The following HEATR4 variants were observed in gnomAD, a reference collection of about 807,000 sequenced individuals.
HEATR4 encodes the protein HEAT repeat-containing protein 4.
Under a neutral mutation model 108.8 loss-of-function variants are expected in HEATR4, and 95 were observed. The ratio of observed to expected loss-of-function variants is 0.87; its 90% CI spans 0.74 to 1.04. The LOEUF is 1.04. HEATR4 is among the 50% of genes least tolerant of loss of function. HEATR4 has a pLI of 0.00. For missense variants in HEATR4, 1,152 were observed against 1,253.8 expected (o/e 0.92, Z 1.23); for synonymous variants, 443 against 459.4 (o/e 0.96, Z 0.46).
In HEATR4 at chr14:73,523,236, A is replaced by G; in HGVS notation, c.-72-12T>C. On this transcript the variant is annotated splice_polypyrimidine_tract_variant and intron_variant, in intron 2 of 17. Transcript: ENST00000553558. ...ATGAGACCTGGCACCTGTTAAGGGA[A>G]TGGGAGGAACTGATGAGAACTCTAG... 7.4e-7 allele frequency: 1 copy of G among 1,357,796 alleles called. No homozygotes were observed. Among genetic ancestry groups the G allele is most frequent in the Non-Finnish European group, 9.8e-7 (1 of 1,015,830 alleles). The allele number at this position is 1,357,796 out of a possible 1,614,324, so 84.1% of individuals were successfully genotyped here.
intron 17 of HEATR4, 22 bp downstream of exon 17, chr14:73,493,044 G>A (rs781714018): frequency 1.3e-5 from 21 of 1,583,746 alleles, no homozygotes; most frequent in Non-Finnish European, 1.8e-5. Flanking sequence ...ACCTTGATAA[G>A]CATCAGTGTG....
chr14:73,616,798 G>A, the HEATR4 span: 6 of 461,344 alleles, frequency 1.3e-5, no homozygotes, highest in South Asian at 2.2e-4. Flanking sequence ...TGCACCTGTC[G>A]CCTGAGTAGT....
chr14:73,606,859 A>G, the HEATR4 span, among the ~76,000 whole-genome samples: 2 of 152,212 alleles, frequency 1.3e-5, no homozygotes, highest in Non-Finnish European at 2.9e-5. Flanking sequence ...TCCCAGAAGG[A>G]GTCTAGAGTA....
At chr14:73,569,846 C>T in the HEATR4 span, 5 of 1,604,756 alleles carry the variant, frequency 3.1e-6, no homozygotes, top group African/African-American at 5.4e-5. Context: ...AGCCGGTGCG[C>T]GTGGGCCGGG....
intron 17 of HEATR4, among the ~76,000 whole-genome samples, chr14:73,487,902 T>C (rs1885513703): frequency 6.6e-6 from 1 of 152,038 alleles, no homozygotes; most frequent in African/African-American, 2.4e-5. Context: ...TAAAGGATGA[T>C]ATAGGTAAGC....
chr14:73,478,744 G>T lies in HEATR4; in HGVS notation c.2943C>A (p.Arg981=). ...CAGCAATCCTTTTCTCGGGGGAGGT[G>T]CGTAGATCTTTGACAAGTGATGAAC... The part of the protein sequence containing the change: ...KVRSSLVKDL[R]TSPEKRIAVG... The change falls in exon 18 of 18, where the codon CGC becomes CGA. Residue 981 remains arginine, a synonymous_variant. Coordinates refer to ENST00000553558, the MANE Select transcript of HEATR4 (RefSeq NM_001220484.1). The T allele has an allele frequency of 6.2e-7, 1 of 1,614,050 alleles. No individual in the cohort carries two copies.
chr14:73,498,960 T>C, intron 13 of HEATR4, 111 bp downstream of exon 13: 1 of 895,360 alleles, frequency 1.1e-6, no homozygotes, highest in Non-Finnish European at 1.8e-6. Flanking sequence ...AAAGCTAAGA[T>C]CATTACCTCT....
the HEATR4 span, chr14:73,594,948 G>T: frequency 9.8e-6 from 14 of 1,421,900 alleles, no homozygotes; most frequent in Admixed American, 3.8e-5. Context: ...CAAGTGATCC[G>T]CCCGCCTCCG....
the HEATR4 span, among the ~76,000 whole-genome samples, chr14:73,588,153 C>A: frequency 6.6e-6 from 1 of 152,086 alleles, no homozygotes; most frequent in Non-Finnish European, 1.5e-5. Context: ...AGGGCCGTAC[C>A]ACCACGCCAG....
chr14:73,566,409 G>A, the HEATR4 span, among the ~76,000 whole-genome samples: 1 of 152,128 alleles, frequency 6.6e-6, no homozygotes, highest in Non-Finnish European at 1.5e-5. Context: ...GGAAGCTCAG[G>A]CTGCACAGGA....
chr14:73,612,846 G>C, the HEATR4 span: 1 of 1,420,914 alleles, frequency 7.0e-7, no homozygotes, highest in Non-Finnish European at 9.4e-7. Context: ...GCCTTGGTGC[G>C]GCTGGTGAAG....
chr14:73,545,443 G>A lies in HEATR4; in HGVS notation c.-152+13308C>T, dbSNP rs879806967. On this transcript the variant is annotated intron_variant, in intron 1 of 17. Coordinates refer to ENST00000553558, the MANE Select transcript of HEATR4 (RefSeq NM_001220484.1). ...CTACAGTAGAGAGATGATACCCTGA[G>A]ATGAAGCTACCTCCTGTGTTACTCT... is the stretch of plus-strand genomic sequence containing the variant. 2.6e-4 allele frequency among the ~76,000 whole-genome samples: 19 copies of A among 72,830 alleles called. 4 individuals carry two copies. The highest frequency in any genetic ancestry group is 5.5e-4 in the Admixed American group (3 of 5,428). The allele number at this position is 72,830 out of a possible 152,430, so 47.8% of individuals were successfully genotyped here.
intron 10 of HEATR4, among the ~76,000 whole-genome samples, chr14:73,506,037 C>T (rs748562149): frequency 7.2e-5 from 11 of 151,754 alleles, no homozygotes; most frequent in Non-Finnish European, 1.2e-4. Flanking sequence ...ATTATAGGCG[C>T]GTGCCACCAC....
chr14:73,588,407 G>C, the HEATR4 span, among the ~76,000 whole-genome samples: 2 of 152,094 alleles, frequency 1.3e-5, no homozygotes, highest in South Asian at 2.1e-4. Context: ...TACCTGCTCA[G>C]CATGTATTAC....
At position 73,535,674 on chromosome 14, in the gene HEATR4, T is replaced by C. The variant is rs1343625235; in HGVS notation, c.-151-5430A>G. Among the ~76,000 whole-genome samples, 24 of 111,102 alleles carry C rather than the reference T, an allele frequency of 2.2e-4. 9 individuals carry two copies. Among genetic ancestry groups the C allele is most frequent in the Non-Finnish European group, 3.7e-4 (19 of 51,354 alleles). 72.9% of individuals were successfully genotyped at this position (111,102 alleles called of 152,430 possible). On this transcript the variant is annotated intron_variant, in intron 1 of 17. Transcript: ENST00000553558. Reference sequence around the variant, plus strand: ...TGGTTTTTTTTTAGTAGAGACGGAGTTTCACTGTGTTAGCCAGGATGGTGT... The same window carrying C: ...TGGTTTTTTTTTAGTAGAGACGGAGCTTCACTGTGTTAGCCAGGATGGTGT...
rs1209867071 is a variant in HEATR4, at chr14:73,487,392, C to A, written c.2844+5674G>T. 3.3e-5 allele frequency among the ~76,000 whole-genome samples: 5 copies of A among 152,010 alleles called. No homozygotes were observed. The East Asian group carries it at 9.6e-4, about 29-fold the overall frequency. On this transcript the variant is annotated intron_variant, in intron 17 of 17. Transcript: ENST00000553558. ...GACCAGCCTGGCCAACATGGGAAAC[C>A]CCATCTCTACTAAAAATACAAAAAT... is the stretch of plus-strand genomic sequence containing the variant.
chr14:73,524,293 C>CAAAAAAAAAAAA (rs1160344592), intron 2 of HEATR4, among the ~76,000 whole-genome samples: 2 of 56,656 alleles, frequency 3.5e-5, no homozygotes, highest in Non-Finnish European at 5.9e-5. Context: ...AACTCCGTCT[C>CAAAAAAAAAAAA]AAAAAAAAAA....
chr14:73,537,474 C>G, intron 1 of HEATR4: 1 of 1,227,136 alleles, frequency 8.1e-7, no homozygotes, highest in Non-Finnish European at 1.1e-6. Flanking sequence ...TGGGACGAAC[C>G]GGTGCGAATC....
intron 3 of HEATR4, among the ~76,000 whole-genome samples, chr14:73,521,694 T>G (rs1197828101): frequency 6.6e-6 from 1 of 152,216 alleles, no homozygotes; most frequent in East Asian, 1.9e-4. Flanking sequence ...CATCTTCTTC[T>G]CTCAGGTTGT....
Sources: gnomAD v4.1 joint callset for allele counts (sites outside exome capture counted in the v4.1 genomes callset) on GRCh38, gnomAD v4.1.1 for gene constraint, MANE v1.5 for transcripts, NCBI Gene and HGNC (gene_info 2026-07-23, HGNC 2026-07-21) for gene names.